Variants in TBC1D22B observed in about 807,000 individuals in gnomAD.
TBC1D22B encodes TBC1 domain family member 22B.
Under a neutral mutation model 69.1 loss-of-function variants are expected in TBC1D22B, and 32 were observed. The ratio of observed to expected loss-of-function variants is 0.46; its 90% confidence interval spans 0.35 to 0.62. TBC1D22B has a LOEUF of 0.62. Ranked by LOEUF, TBC1D22B falls within the 20% of genes least tolerant of loss-of-function variation. The probability of loss-of-function intolerance (pLI) is 0.00; values close to 1 mark genes in which losing one functional copy is unlikely to be tolerated. For missense variants in TBC1D22B, 462 were observed against 630.9 expected, an observed-to-expected ratio of 0.73 and a Z score of 2.87; for synonymous variants, 206 against 229.8, an observed-to-expected ratio of 0.90 and a Z score of 0.94.
chr6:37,265,532 G>GT (rs34418459), intron 1 of TBC1D22B, among the ~76,000 whole-genome samples: 1,459 of 143,728 alleles, frequency 0.01, 11 homozygotes, highest in African/African-American at 0.028. Context: ...AGCCCTTTGG[G>GT]TTTTTTTTTT....
intron 8 of TBC1D22B, among the ~76,000 whole-genome samples, chr6:37,304,500 A>G (rs1394091375): frequency 6.6e-6 from 1 of 152,236 alleles, no homozygotes; most frequent in African/African-American, 2.4e-5. Context: ...AGAAACCATG[A>G]AACAGAATGA....
rs1001715029 is a variant in TBC1D22B, at chr6:37,331,236, A to G, written c.*64A>G. 3 of 1,577,658 alleles carry G rather than the reference A, an allele frequency of 1.9e-6. No homozygotes were observed. Among genetic ancestry groups the G allele is most frequent in the Non-Finnish European group, 1.7e-6 (2 of 1,150,790 alleles). The stretch of plus-strand genomic sequence containing the variant: ...TGATGGCAGTCTGATCACTGTGGCC[A>G]CTGTGCGAGCCGTGGACCCCGGCCA... On this transcript the variant is annotated 3_prime_UTR_variant, in exon 13 of 13. Coordinates refer to ENST00000373491, the MANE Select transcript of TBC1D22B (RefSeq NM_017772.4).
At chr6:37,281,347 G>A (rs544253480) in intron 3 of TBC1D22B, among the ~76,000 whole-genome samples, 2 of 152,286 alleles carry the variant, frequency 1.3e-5, no homozygotes, top group African/African-American at 4.8e-5. Flanking sequence ...CTCAATATAC[G>A]TGAGTCCTCT....
At chr6:37,317,232 G>A in intron 12 of TBC1D22B, 26 bp downstream of exon 12, 1 of 1,549,784 alleles carries the variant, frequency 6.5e-7, no homozygotes, top group Non-Finnish European at 8.7e-7. Context: ...CTTAGTGTGG[G>A]CAGGGAATGA....
chr6:37,279,716 G>A (rs1766767845), intron 3 of TBC1D22B, 105 bp downstream of exon 3: 8 of 1,230,694 alleles, frequency 6.5e-6, no homozygotes, highest in Non-Finnish European at 5.6e-6. Context: ...TATTCAACTG[G>A]GCGGTAAATA....
chr6:37,272,568 A>G (rs1280911261), intron 2 of TBC1D22B, among the ~76,000 whole-genome samples: 1 of 150,300 alleles, frequency 6.7e-6, no homozygotes, highest in Non-Finnish European at 1.5e-5. Context: ...TTGTATTTTT[A>G]GTGTAGATGG....
chr6:37,325,533 G>A lies in TBC1D22B; in HGVS notation c.1390-5511G>A, dbSNP rs536370560. Reference sequence around the variant, plus strand: ...CCTTCATCCCCCAGCCATAATTATCGTTTCTACTTTTTTTTTTTTTTTTTT... The same window carrying A: ...CCTTCATCCCCCAGCCATAATTATCATTTCTACTTTTTTTTTTTTTTTTTT... On this transcript the variant is annotated intron_variant, in intron 12 of 12. Coordinates refer to ENST00000373491, the MANE Select transcript of TBC1D22B (RefSeq NM_017772.4). Among the ~76,000 whole-genome samples, 495 of 129,460 alleles carry A rather than the reference G, an allele frequency of 3.8e-3. 1 individual carries two copies. The highest frequency in any genetic ancestry group is 0.013 in the African/African-American group (451 of 34,612). 84.9% of individuals were successfully genotyped at this position (129,460 alleles called of 152,430 possible).
chr6:37,266,283 G>C (rs1399958891), intron 1 of TBC1D22B, among the ~76,000 whole-genome samples: 1 of 152,136 alleles, frequency 6.6e-6, no homozygotes, highest in Non-Finnish European at 1.5e-5. Context: ...GCTGCTACCA[G>C]TGTCTTTTGT....
intron 1 of TBC1D22B, among the ~76,000 whole-genome samples, chr6:37,267,065 T>C (rs887709330): frequency 2.3e-4 from 35 of 149,492 alleles, no homozygotes; most frequent in African/African-American, 7.1e-4. Context: ...GCCTCCCAAG[T>C]AGCTAGAAGT....
intron 12 of TBC1D22B, among the ~76,000 whole-genome samples, chr6:37,321,268 T>C (rs372531252): frequency 7.9e-5 from 12 of 152,144 alleles, no homozygotes; most frequent in African/African-American, 2.9e-4. Flanking sequence ...ATCCACTCTC[T>C]GAACCACTGT....
chr6:37,306,652 C>T (rs893286718), intron 8 of TBC1D22B, among the ~76,000 whole-genome samples: 2 of 152,168 alleles, frequency 1.3e-5, no homozygotes, highest in African/African-American at 4.8e-5. Context: ...AGTAATACAG[C>T]AACCTAAGGA....
intron 2 of TBC1D22B, among the ~76,000 whole-genome samples, chr6:37,277,000 C>CG (rs1766690555): frequency 6.6e-6 from 1 of 152,092 alleles, no homozygotes; most frequent in South Asian, 2.1e-4. Flanking sequence ...AGCTGGTTAA[C>CG]GGCCTTCATT....
At chr6:37,291,214 A>G (rs749427813) in intron 7 of TBC1D22B, 29 bp from the exon 8 acceptor site, 9 of 1,483,406 alleles carry the variant, frequency 6.1e-6, no homozygotes, top group East Asian at 2.3e-5. Flanking sequence ...GTGATTTAAC[A>G]CTCGTGTCTT....
chr6:37,261,624 A>T (rs1766103407), intron 1 of TBC1D22B, among the ~76,000 whole-genome samples: 1 of 152,088 alleles, frequency 6.6e-6, no homozygotes, highest in Non-Finnish European at 1.5e-5. Context: ...GATAATACAT[A>T]ATAATTGGTT....
chr6:37,305,050 T>G (rs1414540966), intron 8 of TBC1D22B, among the ~76,000 whole-genome samples: 1 of 152,170 alleles, frequency 6.6e-6, no homozygotes, highest in Non-Finnish European at 1.5e-5. Flanking sequence ...TTTTTGATAG[T>G]CAACACTCAC....
intron 10 of TBC1D22B, among the ~76,000 whole-genome samples, chr6:37,314,423 C>T (rs3778015): frequency 0.64 from 97,453 of 151,922 alleles, 31,448 homozygotes; most frequent in East Asian, 0.85. Context: ...TGGCTGATAC[C>T]CCAGCAGGAC....
intron 2 of TBC1D22B, among the ~76,000 whole-genome samples, chr6:37,276,903 A>AAT (rs10604640): frequency 2.5e-4 from 38 of 151,600 alleles, no homozygotes; most frequent in African/African-American, 5.1e-4. Flanking sequence ...AACAAACAAA[A>AAT]ATATATATAT....
At chr6:37,272,518 G>T (rs528186870) in intron 2 of TBC1D22B, among the ~76,000 whole-genome samples, 1 of 152,122 alleles carries the variant, frequency 6.6e-6, no homozygotes, top group Non-Finnish European at 1.5e-5. Flanking sequence ...CCCCACAGTG[G>T]CTGGGACTAC....
intron 8 of TBC1D22B, among the ~76,000 whole-genome samples, chr6:37,296,203 A>G (rs915381191): frequency 6.6e-6 from 1 of 152,256 alleles, no homozygotes; most frequent in African/African-American, 2.4e-5. Flanking sequence ...CAGATGTTGC[A>G]GTGAGCTGAG....
Sources: gnomAD v4.1 joint callset for allele counts (sites outside exome capture counted in the v4.1 genomes callset) on GRCh38, gnomAD v4.1.1 for gene constraint, MANE v1.5 for transcripts, NCBI Gene and HGNC (gene_info 2026-07-23, HGNC 2026-07-21) for gene names.